Variants in ARK2C observed in about 807,000 individuals in gnomAD.
ARK2C encodes arkadia (RNF111) C-terminal like ring finger ubiquitin ligase 2C.
At chr18:46,400,757 C>T in the ARK2C span, among the ~76,000 whole-genome samples, 1 of 152,140 alleles carries the variant, frequency 6.6e-6, no homozygotes, top group Non-Finnish European at 1.5e-5. Flanking sequence ...ATTGTGTCGG[C>T]TTTCAGTAGC....
At chr18:46,357,936 G>A in the ARK2C span, among the ~76,000 whole-genome samples, 1 of 152,136 alleles carries the variant, frequency 6.6e-6, no homozygotes, top group African/African-American at 2.4e-5. Flanking sequence ...AGTCCTTGGG[G>A]CTCCCTGGCT....
At chr18:46,388,850 C>T in the ARK2C span, among the ~76,000 whole-genome samples, 1 of 151,752 alleles carries the variant, frequency 6.6e-6, no homozygotes, top group Non-Finnish European at 1.5e-5. Context: ...AATTTCACAC[C>T]CCACTTAGGG....
At chr18:46,345,841 A>T in the ARK2C span, among the ~76,000 whole-genome samples, 1 of 152,160 alleles carries the variant, frequency 6.6e-6, no homozygotes, top group East Asian at 1.9e-4. Context: ...CTCCTCTGGC[A>T]TTTGGGTCCA....
At chr18:46,396,688 G>C in the ARK2C span, among the ~76,000 whole-genome samples, 4 of 152,102 alleles carry the variant, frequency 2.6e-5, no homozygotes, top group African/African-American at 4.8e-5. Context: ...CCTGGCTGTC[G>C]GGACCATGAA....
the ARK2C span, among the ~76,000 whole-genome samples, chr18:46,408,807 C>T: frequency 6.6e-6 from 1 of 152,104 alleles, no homozygotes; most frequent in African/African-American, 2.4e-5. Context: ...GAGCTGGTGT[C>T]AAAAGACTTT....
chr18:46,365,427 A>T, the ARK2C span, among the ~76,000 whole-genome samples: 1 of 152,210 alleles, frequency 6.6e-6, no homozygotes, highest in East Asian at 1.9e-4. Flanking sequence ...CTTCACAAGA[A>T]TCTGGCTCTT....
At chr18:46,336,375 C>A in the ARK2C span, 6 of 972,342 alleles carry the variant, frequency 6.2e-6, no homozygotes, top group South Asian at 1.4e-4. Context: ...TCTCCCTCAC[C>A]CCCCCCAACA....
the ARK2C span, chr18:46,457,776 G>C: frequency 3.3e-5 from 5 of 152,794 alleles, no homozygotes; most frequent in African/African-American, 1.2e-4. Context: ...TGGCTGCTTG[G>C]TCTTGGCCAC....
the ARK2C span, among the ~76,000 whole-genome samples, chr18:46,432,952 A>G: frequency 1.3e-5 from 2 of 150,432 alleles, no homozygotes; most frequent in African/African-American, 2.5e-5. Context: ...CTCAAAAAAT[A>G]AATAAATAAA....
the ARK2C span, among the ~76,000 whole-genome samples, chr18:46,398,236 T>G: frequency 6.6e-6 from 1 of 150,804 alleles, no homozygotes; most frequent in Non-Finnish European, 1.5e-5. Context: ...GGTGTGTGTG[T>G]GGGGTCATGC....
At chr18:46,445,521 G>A in the ARK2C span, among the ~76,000 whole-genome samples, 5 of 152,252 alleles carry the variant, frequency 3.3e-5, no homozygotes, top group South Asian at 2.1e-4. Context: ...GGGAATCTCC[G>A]TGCAGATTTC....
At chr18:46,367,699 C>T in the ARK2C span, among the ~76,000 whole-genome samples, 22 of 152,280 alleles carry the variant, frequency 1.4e-4, 1 homozygote, top group African/African-American at 2.6e-4. Context: ...AAACTGGCCT[C>T]GGTGTCCCCA....
At chr18:46,424,508 C>T in the ARK2C span, among the ~76,000 whole-genome samples, 1 of 152,332 alleles carries the variant, frequency 6.6e-6, no homozygotes, top group Admixed American at 6.5e-5. Context: ...CTGGGTGTCA[C>T]ATCACAGCTC....
the ARK2C span, chr18:46,450,743 C>T: frequency 3.7e-6 from 6 of 1,613,952 alleles, no homozygotes; most frequent in South Asian, 1.1e-5. Context: ...TAATGTGACT[C>T]GGGGAGCTGT....
At chr18:46,401,075 C>CT in the ARK2C span, among the ~76,000 whole-genome samples, 2 of 152,088 alleles carry the variant, frequency 1.3e-5, no homozygotes, top group African/African-American at 4.8e-5. Flanking sequence ...CTGTGCCTGG[C>CT]TGAGAGACAC....
the ARK2C span, among the ~76,000 whole-genome samples, chr18:46,388,894 AAG>A: frequency 6.6e-6 from 1 of 152,160 alleles, no homozygotes; most frequent in Admixed American, 6.5e-5. Context: ...CACAGAGATA[AAG>A]AAAAAAAAAG....
the ARK2C span, among the ~76,000 whole-genome samples, chr18:46,421,145 C>G: frequency 6.6e-6 from 1 of 152,208 alleles, no homozygotes; most frequent in Non-Finnish European, 1.5e-5. Flanking sequence ...CATGCTGGAC[C>G]TGCAACTGGG....
the ARK2C span, among the ~76,000 whole-genome samples, chr18:46,401,936 C>T: frequency 6.6e-6 from 1 of 152,060 alleles, no homozygotes; most frequent in Non-Finnish European, 1.5e-5. Context: ...TTTATTTACA[C>T]AGAAAAAAAA....
At chr18:46,387,883 T>G in the ARK2C span, among the ~76,000 whole-genome samples, 1 of 152,234 alleles carries the variant, frequency 6.6e-6, no homozygotes, top group Non-Finnish European at 1.5e-5. Context: ...AGGCTGCCAG[T>G]CCAGCTCTTA....
Sources: gnomAD v4.1 joint callset for allele counts (sites outside exome capture counted in the v4.1 genomes callset) on GRCh38, gnomAD v4.1.1 for gene constraint, MANE v1.5 for transcripts, NCBI Gene and HGNC (gene_info 2026-07-23, HGNC 2026-07-21) for gene names.